The following PPP2R2B variants were observed in gnomAD, a reference collection of about 807,000 sequenced individuals.
The protein encoded by PPP2R2B is serine/threonine-protein phosphatase 2A 55 kDa regulatory subunit B beta isoform.
A neutral mutation model predicts 46.0 loss-of-function variants in PPP2R2B; 5 were observed. The ratio of observed to expected loss-of-function variants is 0.11; its 90% CI spans 0.06 to 0.23. PPP2R2B has a LOEUF of 0.23. PPP2R2B is among the 10% of genes least tolerant of loss of function. The pLI is 1.00. For synonymous variants in PPP2R2B, 215 were observed against 206.7 expected (o/e 1.04, Z -0.34); for missense variants, 367 against 575.0 (o/e 0.64, Z 3.70).
At chr5:146,755,344 C>T (rs1325546059) in intron 2 of PPP2R2B, among the ~76,000 whole-genome samples, 1 of 152,156 alleles carries the variant, frequency 6.6e-6, no homozygotes, top group African/African-American at 2.4e-5. Context: ...CTGAGGTTTA[C>T]CTTTGATCAC....
chr5:146,622,287 G>C (rs1436544333), intron 7 of PPP2R2B, among the ~76,000 whole-genome samples: 1 of 152,158 alleles, frequency 6.6e-6, no homozygotes, highest in African/African-American at 2.4e-5. Flanking sequence ...AAAAAATATT[G>C]AGTGTTTGCT....
intron 2 of PPP2R2B, among the ~76,000 whole-genome samples, chr5:146,794,822 C>A (rs911643476): frequency 1.3e-5 from 2 of 152,096 alleles, no homozygotes; most frequent in African/African-American, 4.8e-5. Flanking sequence ...TAATATGGTG[C>A]AGTTTTATTT....
chr5:146,816,525 A>C (rs1293404461), intron 2 of PPP2R2B, among the ~76,000 whole-genome samples: 8 of 152,250 alleles, frequency 5.3e-5, no homozygotes, highest in Admixed American at 2.6e-4. Flanking sequence ...AGAGCATAGA[A>C]AAATATCCAT....
At chr5:146,702,786 T>C (rs918953350) in intron 2 of PPP2R2B, among the ~76,000 whole-genome samples, 1 of 152,252 alleles carries the variant, frequency 6.6e-6, no homozygotes, top group African/African-American at 2.4e-5. Flanking sequence ...TCATTTGGAA[T>C]AGGCTATCTC....
intron 1 of PPP2R2B, among the ~76,000 whole-genome samples, chr5:146,887,518 A>G (rs1322568945): frequency 6.6e-6 from 1 of 152,222 alleles, no homozygotes; most frequent in Non-Finnish European, 1.5e-5. Context: ...ATTATGCAGA[A>G]TAGTAATTTT....
At chr5:146,749,674 C>T (rs1415252365) in intron 2 of PPP2R2B, among the ~76,000 whole-genome samples, 1 of 139,586 alleles carries the variant, frequency 7.2e-6, no homozygotes, top group East Asian at 2.3e-4. Context: ...CAGTGGCTTA[C>T]TGCAAGCTCC....
chr5:146,794,009 CAT>C, intron 2 of PPP2R2B, among the ~76,000 whole-genome samples: 1 of 152,262 alleles, frequency 6.6e-6, no homozygotes, highest in East Asian at 1.9e-4. Context: ...CATTTTGACA[CAT>C]ATCTCAGGAA....
intron 1 of PPP2R2B, among the ~76,000 whole-genome samples, chr5:147,052,948 A>G (rs1266182579): frequency 1.3e-5 from 2 of 152,148 alleles, no homozygotes; most frequent in Non-Finnish European, 2.9e-5. Flanking sequence ...TTGTTGATTT[A>G]CCCTATATAC....
intron 2 of PPP2R2B, among the ~76,000 whole-genome samples, chr5:146,719,622 T>C (rs1780679161): frequency 6.6e-6 from 1 of 152,182 alleles, no homozygotes; most frequent in African/African-American, 2.4e-5. Context: ...ATCACTCATC[T>C]GGATCCCAGA....
intron 5 of PPP2R2B, among the ~76,000 whole-genome samples, chr5:146,687,915 T>C (rs953416244): frequency 2.0e-5 from 3 of 152,118 alleles, no homozygotes; most frequent in Non-Finnish European, 2.9e-5. Flanking sequence ...GAAGTAATCA[T>C]AGTACAGGGA....
intron 7 of PPP2R2B, among the ~76,000 whole-genome samples, chr5:146,633,827 C>T (rs1561789840): frequency 6.6e-6 from 1 of 152,206 alleles, no homozygotes; most frequent in African/African-American, 2.4e-5. Flanking sequence ...CTGCATGATT[C>T]TTCCCTGGGC....
intron 7 of PPP2R2B, among the ~76,000 whole-genome samples, chr5:146,627,149 G>A (rs1253747523): frequency 2.6e-5 from 4 of 152,202 alleles, no homozygotes; most frequent in African/African-American, 9.7e-5. Flanking sequence ...AGAGTGGGAA[G>A]TGTGTGTCTG....
intron 5 of PPP2R2B, among the ~76,000 whole-genome samples, chr5:146,686,503 T>C (rs1267441498): frequency 6.6e-6 from 1 of 152,196 alleles, no homozygotes; most frequent in African/African-American, 2.4e-5. Flanking sequence ...GACTATGTGA[T>C]ATTAAGGATA....
intron 2 of PPP2R2B, among the ~76,000 whole-genome samples, chr5:147,069,931 C>A (rs1475312545): frequency 6.6e-6 from 1 of 151,372 alleles, no homozygotes; most frequent in Non-Finnish European, 1.5e-5. Flanking sequence ...GCTGGGATTA[C>A]AGACGCCTGC....
chr5:146,639,879 C>T (rs930322396), intron 6 of PPP2R2B, among the ~76,000 whole-genome samples: 1 of 152,210 alleles, frequency 6.6e-6, no homozygotes, highest in South Asian at 2.1e-4. Context: ...GTGATAACTG[C>T]AAATGCGTGT....
chr5:146,893,715 T>G (rs1762557894), intron 1 of PPP2R2B, among the ~76,000 whole-genome samples: 1 of 151,570 alleles, frequency 6.6e-6, no homozygotes, highest in Non-Finnish European at 1.5e-5. Flanking sequence ...AGGCTGTCAG[T>G]GGGTGGGAGG....
At chr5:147,074,001 A>T (rs1354938144) in intron 2 of PPP2R2B, among the ~76,000 whole-genome samples, 1 of 150,720 alleles carries the variant, frequency 6.6e-6, no homozygotes, top group Non-Finnish European at 1.5e-5. Flanking sequence ...GCGCCACTGC[A>T]CTCCAGCCTG....
intron 2 of PPP2R2B, among the ~76,000 whole-genome samples, chr5:146,863,291 A>G (rs374464203): frequency 1.6e-4 from 24 of 152,168 alleles, no homozygotes; most frequent in African/African-American, 5.8e-4. Flanking sequence ...TCATTGCAGG[A>G]TATGTCAGCT....
intron 1 of PPP2R2B, among the ~76,000 whole-genome samples, chr5:147,005,060 C>T (rs1754372075): frequency 1.3e-5 from 2 of 152,162 alleles, no homozygotes; most frequent in Admixed American, 1.3e-4. Context: ...ATACCAGGCA[C>T]TACTCCTTGA....
Sources: allele counts gnomAD v4.1 joint callset (sites outside exome capture counted in the v4.1 genomes callset), GRCh38; gene constraint gnomAD v4.1.1; transcripts MANE v1.5; gene names NCBI Gene and HGNC (gene_info 2026-07-23, HGNC 2026-07-21).